Variants in LRRIQ1 observed in about 807,000 individuals in gnomAD.
The protein encoded by LRRIQ1 is leucine rich repeats and IQ motif containing 1.
Under a neutral mutation model 211.9 loss-of-function variants are expected in LRRIQ1, and 210 were observed. That is an observed-to-expected ratio of 0.99 (90% CI 0.89 to 1.11). The LOEUF (loss-of-function observed/expected upper bound fraction) is 1.11. Among genes scored for constraint, LRRIQ1 ranks in the 50% most tolerant of loss-of-function variants. LRRIQ1 has a pLI of 0.00. For synonymous variants in LRRIQ1, 699 were observed against 650.1 expected, an observed-to-expected ratio of 1.08 and a Z score of -1.14; for missense variants, 2,136 against 1,939.5, an observed-to-expected ratio of 1.10 and a Z score of -1.90.
chr12:85,165,964 G>A lies in LRRIQ1; in HGVS notation c.4822+5250G>A, dbSNP rs550091598. Among the ~76,000 whole-genome samples the A allele has an allele frequency of 7.2e-5, 11 of 152,230 alleles. No homozygotes were observed. The South Asian group carries it at 2.3e-3, about 32-fold the overall frequency. ...TCCTTTGGGTTTATACCCAGTAATAGGATTGCTGTGTCGAATGGTAGTTCT... is the reference window on the plus strand; with the variant it reads ...TCCTTTGGGTTTATACCCAGTAATAAGATTGCTGTGTCGAATGGTAGTTCT... On this transcript the variant is annotated intron_variant, in intron 24 of 26. Coordinates refer to ENST00000393217, the MANE Select transcript of LRRIQ1 (RefSeq NM_001079910.2).
chr12:85,251,274 C>A (rs1472169346), intron 1 of LRRIQ1, among the ~76,000 whole-genome samples: 2 of 151,576 alleles, frequency 1.3e-5, no homozygotes, highest in South Asian at 4.1e-4. Context: ...CATTCTTTTT[C>A]TCTTTCCTTT....
At chr12:85,081,246 T>C (rs1238220061) in intron 11 of LRRIQ1, among the ~76,000 whole-genome samples, 3 of 152,214 alleles carry the variant, frequency 2.0e-5, no homozygotes, top group Admixed American at 6.5e-5. Flanking sequence ...CTTCTCACTT[T>C]TGAATCTTAA....
chr12:85,051,084 G>A (rs1055996888), intron 6 of LRRIQ1, among the ~76,000 whole-genome samples: 1 of 152,074 alleles, frequency 6.6e-6, no homozygotes, highest in African/African-American at 2.4e-5. Flanking sequence ...CTCATGAATA[G>A]CTTGGTGCTC....
intron 6 of LRRIQ1, among the ~76,000 whole-genome samples, chr12:85,051,401 G>A (rs1322670928): frequency 2.0e-5 from 3 of 152,144 alleles, no homozygotes; most frequent in Non-Finnish European, 4.4e-5. Context: ...TTTGCTCACT[G>A]ATCTCATTGT....
At chr12:85,078,215 T>C (rs938561043) in intron 11 of LRRIQ1, among the ~76,000 whole-genome samples, 6 of 152,168 alleles carry the variant, frequency 3.9e-5, no homozygotes, top group African/African-American at 1.4e-4. Flanking sequence ...AAATTTATAG[T>C]TTTAAACTCC....
At chr12:85,257,197 A>ATT (rs71076120) in intron 1 of LRRIQ1, among the ~76,000 whole-genome samples, 1 of 116,466 alleles carries the variant, frequency 8.6e-6, no homozygotes, top group African/African-American at 3.2e-5. Flanking sequence ...TATATTATAT[A>ATT]AATATATATA....
intron 17 of LRRIQ1, 152 bp from the exon 18 acceptor site, chr12:85,127,680 A>G (rs1888459655): frequency 1.5e-6 from 1 of 656,934 alleles, no homozygotes; most frequent in Non-Finnish European, 2.6e-6. Flanking sequence ...TTTTACTTCT[A>G]TGACAATGGT....
chr12:85,176,413 T>TA (rs1011100885), intron 24 of LRRIQ1, among the ~76,000 whole-genome samples: 1 of 151,650 alleles, frequency 6.6e-6, no homozygotes, highest in African/African-American at 2.4e-5. Flanking sequence ...TATGCAGCCA[T>TA]AAAAAATGAT....
intron 8 of LRRIQ1, among the ~76,000 whole-genome samples, chr12:85,057,803 C>T (rs1881303809): frequency 6.6e-6 from 1 of 151,750 alleles, no homozygotes; most frequent in Non-Finnish European, 1.5e-5. Context: ...AACTAATAAA[C>T]GTATAGAAAA....
At chr12:85,082,167 A>G (rs1387894216) in intron 11 of LRRIQ1, among the ~76,000 whole-genome samples, 1 of 152,026 alleles carries the variant, frequency 6.6e-6, no homozygotes, top group Non-Finnish European at 1.5e-5. Flanking sequence ...TTAAATTATA[A>G]TTTGTATTTT....
intron 24 of LRRIQ1, among the ~76,000 whole-genome samples, chr12:85,192,476 TATATATA>T (rs1387923641): frequency 3.3e-5 from 4 of 121,042 alleles, no homozygotes; most frequent in Admixed American, 1.0e-4. Flanking sequence ...TATATATAAA[TATATATA>T]GTTATATAAT....
chr12:85,227,262 G>A (rs1894707856), intron 24 of LRRIQ1, among the ~76,000 whole-genome samples: 1 of 151,976 alleles, frequency 6.6e-6, no homozygotes, highest in Non-Finnish European at 1.5e-5. Flanking sequence ...ATCTCATTGT[G>A]GTTTTGATTT....
chr12:85,079,079 C>T (rs1883987873), intron 11 of LRRIQ1, among the ~76,000 whole-genome samples: 1 of 152,000 alleles, frequency 6.6e-6, no homozygotes, highest in Admixed American at 6.6e-5. Context: ...CTCTGGAAAA[C>T]TCCACTATAC....
chr12:85,088,083 A>G lies in LRRIQ1; in HGVS notation c.2888-10272A>G, dbSNP rs189156573. Among the ~76,000 whole-genome samples, 166 of 152,258 alleles carry G rather than the reference A, an allele frequency of 1.1e-3. 3 individuals are homozygous for G. In the East Asian group the frequency reaches 0.03, roughly 27 times the overall value. On this transcript the variant is annotated intron_variant, in intron 11 of 26. Transcript: ENST00000393217. ...CTAGGGCTTTTATGGTTTTAGGTCT[A>G]ACATGTAAGTCTTTAATCCATCTTG...
chr12:85,214,178 T>A (rs1893969464), intron 24 of LRRIQ1, among the ~76,000 whole-genome samples: 1 of 152,028 alleles, frequency 6.6e-6, no homozygotes, highest in African/African-American at 2.4e-5. Flanking sequence ...TAACAAGAGA[T>A]GCATAAGACC....
chr12:85,258,431 A>G (rs999069051), intron 1 of LRRIQ1, among the ~76,000 whole-genome samples: 5 of 151,964 alleles, frequency 3.3e-5, no homozygotes, highest in Non-Finnish European at 7.4e-5. Context: ...TCTCAAAAAC[A>G]AGAAAAATCA....
In LRRIQ1 at chr12:85,124,075, T is replaced by G. The variant is rs1272089318; in HGVS notation, c.3563T>G (p.Val1188Gly). 2.5e-6 allele frequency: 4 copies of G among 1,600,680 alleles called. No homozygotes were observed. In the South Asian group the frequency reaches 4.4e-5, roughly 18 times the overall value. The change falls in exon 17 of 27, where the codon GTA becomes GGA. Residue 1188 changes from valine to glycine, a missense_variant. Physicochemically the swap from Val to Gly is moderately radical, Grantham distance 109. Transcript: ENST00000393217. ...IENYITGKGD[V>G]FTLDTAENLC... ...CTCATCATTTATTTGTTCAGAGATG[T>G]ATTTACCTTGGATACTGCAGAAAAT...
chr12:85,187,542 C>A (rs1191032962), intron 24 of LRRIQ1, among the ~76,000 whole-genome samples: 1 of 152,018 alleles, frequency 6.6e-6, no homozygotes, highest in African/African-American at 2.4e-5. Context: ...CGCGGTGGTT[C>A]ACGCCTGTAA....
At chr12:85,192,746 A>G (rs1349127840) in intron 24 of LRRIQ1, among the ~76,000 whole-genome samples, 1 of 99,478 alleles carries the variant, frequency 1.0e-5, no homozygotes, top group Non-Finnish European at 1.7e-5. Context: ...CTATAATTAT[A>G]TATAAATATA....
Sources: allele counts gnomAD v4.1 joint callset (sites outside exome capture counted in the v4.1 genomes callset), GRCh38; gene constraint gnomAD v4.1.1; transcripts MANE v1.5; gene names NCBI Gene and HGNC (gene_info 2026-07-23, HGNC 2026-07-21).